NCOA1: variants seen among roughly 807,000 people sequenced by gnomAD.
The protein encoded by NCOA1 is nuclear receptor coactivator 1, also known as Hin-2 protein.
Under a neutral mutation model 150.9 loss-of-function variants are expected in NCOA1, and 35 were observed. The ratio of observed to expected loss-of-function variants is 0.23; its 90% CI spans 0.18 to 0.31. The LOEUF (loss-of-function observed/expected upper bound fraction) is 0.31, where lower values mean the gene tolerates loss of function less well. NCOA1 is among the 10% of genes least tolerant of loss of function. The probability of loss-of-function intolerance (pLI) is 1.00; values close to 1 mark genes in which losing one functional copy is unlikely to be tolerated. For missense variants in NCOA1, 1,491 were observed against 1,749.3 expected, an observed-to-expected ratio of 0.85 and a Z score of 2.63; for synonymous variants, 590 against 630.0, an observed-to-expected ratio of 0.94 and a Z score of 0.95.
At chr2:24,573,629 A>G (rs948786088) in intron 2 of NCOA1, among the ~76,000 whole-genome samples, 3 of 152,118 alleles carry the variant, frequency 2.0e-5, no homozygotes, top group African/African-American at 7.2e-5. Context: ...CCAGTTTTCC[A>G]GTCAATGCAA....
rs560920418 is a variant in NCOA1, at chr2:24,641,674, A to G, written c.-174-2292A>G. 5.9e-5 allele frequency among the ~76,000 whole-genome samples: 9 copies of G among 152,300 alleles called. No homozygotes were observed. The South Asian group carries it at 1.9e-3, about 32-fold the overall frequency. ...CCCCCTTCAGCATTTTAATGGAAGA[A>G]ATTATTCCATTATCTTCTTGCCTCT... On this transcript the variant is annotated intron_variant, in intron 3 of 22. Coordinates refer to ENST00000348332, the MANE Select transcript of NCOA1 (RefSeq NM_003743.5).
chr2:24,703,422 A>C (rs1673261560), intron 11 of NCOA1, among the ~76,000 whole-genome samples: 1 of 152,212 alleles, frequency 6.6e-6, no homozygotes, highest in Non-Finnish European at 1.5e-5. Context: ...TTAAATGCCA[A>C]ATCTTAGTCC....
chr2:24,575,016 G>T (rs1476621901), intron 2 of NCOA1, among the ~76,000 whole-genome samples: 3 of 151,906 alleles, frequency 2.0e-5, no homozygotes, highest in Admixed American at 2.0e-4. Flanking sequence ...TTATGAATCT[G>T]TAAGTTTCTG....
At chr2:24,586,198 C>G (rs1667398489) in intron 3 of NCOA1, among the ~76,000 whole-genome samples, 1 of 147,174 alleles carries the variant, frequency 6.8e-6, no homozygotes, top group Non-Finnish European at 1.5e-5. Context: ...ATGGTGTGAA[C>G]CCAGGAGGCG....
At chr2:24,655,445 C>T (rs1670895855) in intron 4 of NCOA1, among the ~76,000 whole-genome samples, 1 of 152,012 alleles carries the variant, frequency 6.6e-6, no homozygotes, top group South Asian at 2.1e-4. Flanking sequence ...TCTATGAACA[C>T]TTGATTGGAC....
At chr2:24,678,134 A>C (rs1295811008) in intron 7 of NCOA1, among the ~76,000 whole-genome samples, 1 of 152,204 alleles carries the variant, frequency 6.6e-6, no homozygotes, top group African/African-American at 2.4e-5. Flanking sequence ...GAGAACATGC[A>C]GCATTTGGTT....
At chr2:24,519,395 T>A (rs1572375710) in intron 1 of NCOA1, among the ~76,000 whole-genome samples, 2 of 152,004 alleles carry the variant, frequency 1.3e-5, no homozygotes, top group South Asian at 4.1e-4. Context: ...GGGGACAGGG[T>A]TTCTTTTGGG....
rs182708445 is a variant in NCOA1, at chr2:24,666,880, A to G, written c.256+965A>G. Among the ~76,000 whole-genome samples the G allele has an allele frequency of 1.8e-3, 274 of 152,156 alleles. 2 individuals carry two copies. Among genetic ancestry groups the G allele is most frequent in the Admixed American group, 0.016 (252 of 15,276 alleles). Reference sequence around the variant, plus strand: ...TTTAAGCTTCATATTTTTACTACCTATATTTACTGGAACCCCATACCATCA... The same window carrying G: ...TTTAAGCTTCATATTTTTACTACCTGTATTTACTGGAACCCCATACCATCA... On this transcript the variant is annotated intron_variant, in intron 6 of 22. Coordinates refer to ENST00000348332, the MANE Select transcript of NCOA1 (RefSeq NM_003743.5).
At chr2:24,621,432 A>ATTTTTT (rs1162282258) in intron 3 of NCOA1, among the ~76,000 whole-genome samples, 427 of 38,898 alleles carry the variant, frequency 0.011, 94 homozygotes, top group Non-Finnish European at 0.012. Context: ...ATTCAGGCAG[A>ATTTTTT]TTTTTTTTTT....
chr2:24,733,770 A>C (rs556009605), intron 17 of NCOA1, among the ~76,000 whole-genome samples: 1 of 152,124 alleles, frequency 6.6e-6, no homozygotes, highest in Non-Finnish European at 1.5e-5. Context: ...AAAACAAAAA[A>C]CAGAAAATCC....
At chr2:24,585,949 A>T (rs1370950455) in intron 3 of NCOA1, among the ~76,000 whole-genome samples, 1 of 152,216 alleles carries the variant, frequency 6.6e-6, no homozygotes, top group African/African-American at 2.4e-5. Flanking sequence ...TAAACATATG[A>T]AGGATTTTTA....
In NCOA1 at chr2:24,600,724, A is replaced by G. The variant is rs191122377; in HGVS notation, c.-175+16164A>G. 2.4e-3 allele frequency among the ~76,000 whole-genome samples: 371 copies of G among 152,252 alleles called. 1 individual carries two copies. The highest frequency in any genetic ancestry group is 4.1e-3 in the Non-Finnish European group (276 of 68,010). Reference sequence around the variant, plus strand: ...GATAGGAATTTCTTTCGGTGATAGTATTTATTCCTGTGCTTGTTTCTCAAG... The same window carrying G: ...GATAGGAATTTCTTTCGGTGATAGTGTTTATTCCTGTGCTTGTTTCTCAAG... On this transcript the variant is annotated intron_variant, in intron 3 of 22. Coordinates refer to ENST00000348332, the MANE Select transcript of NCOA1 (RefSeq NM_003743.5).
At chr2:24,674,119 A>ATG (rs374109233) in intron 7 of NCOA1, among the ~76,000 whole-genome samples, 20 of 68,680 alleles carry the variant, frequency 2.9e-4, no homozygotes, top group Admixed American at 9.8e-4. Context: ...AGACATATGT[A>ATG]TGTATGTGTG....
rs115113635 is a variant in NCOA1 at position 24,513,531 on chromosome 2, C to T, written c.-396+21929C>T. Among the ~76,000 whole-genome samples the T allele has an allele frequency of 6.1e-3, 925 of 152,068 alleles. 5 individuals carry two copies. Among genetic ancestry groups the T allele is most frequent in the African/African-American group, 0.02 (826 of 41,470 alleles). On this transcript the variant is annotated intron_variant, in intron 1 of 22. Transcript: ENST00000348332. ...TTAGACAATGCTGTAGTCAACATTC[C>T]TGAACATACTGGTTGTGAACATATG...
At chr2:24,500,346 G>A (rs1425337727) in intron 1 of NCOA1, among the ~76,000 whole-genome samples, 5 of 152,202 alleles carry the variant, frequency 3.3e-5, no homozygotes, top group African/African-American at 1.2e-4. Context: ...AACCTCGGGT[G>A]ATCCGCCCGC....
At chr2:24,655,390 T>A (rs1239312451) in intron 4 of NCOA1, among the ~76,000 whole-genome samples, 2 of 152,216 alleles carry the variant, frequency 1.3e-5, no homozygotes, top group Admixed American at 1.3e-4. Flanking sequence ...TATTTATATG[T>A]AGATCATATA....
intron 3 of NCOA1, among the ~76,000 whole-genome samples, chr2:24,628,501 G>C (rs767769078): frequency 1.3e-5 from 2 of 152,014 alleles, no homozygotes; most frequent in Non-Finnish European, 2.9e-5. Context: ...TTAATGTTGT[G>C]TATCTACTCT....
At chr2:24,511,286 C>G (rs1042678527) in intron 1 of NCOA1, among the ~76,000 whole-genome samples, 5 of 152,138 alleles carry the variant, frequency 3.3e-5, no homozygotes, top group African/African-American at 9.7e-5. Flanking sequence ...CATATGTTTT[C>G]ATTTGTCTTG....
chr2:24,706,915 C>G lies in NCOA1; in HGVS notation c.1445C>G (p.Ser482Cys), dbSNP rs555210413. ...NNSPMEGTGI[S>C]LAQFMSPRRQ... ...TCTCCTATGGAAGGTACAGGAATATCCCTAGCACAGTTCATGTCTCCAAGG... is the reference window on the plus strand; with the variant it reads ...TCTCCTATGGAAGGTACAGGAATATGCCTAGCACAGTTCATGTCTCCAAGG... Residue 482 changes from serine to cysteine, a missense_variant, in exon 13 of 23, where the codon TCC (serine) becomes TGC (cysteine). Physicochemically the swap from Ser to Cys is moderately radical, Grantham distance 112. Transcript: ENST00000348332. 88 of 1,614,056 alleles carry G rather than the reference C, an allele frequency of 5.5e-5. No individual in the cohort carries two copies. The highest frequency in any genetic ancestry group is 2.3e-4 in the Admixed American group (14 of 60,002).
Sources: gnomAD v4.1 joint callset for allele counts (sites outside exome capture counted in the v4.1 genomes callset) on GRCh38, gnomAD v4.1.1 for gene constraint, MANE v1.5 for transcripts, NCBI Gene and HGNC (gene_info 2026-07-23, HGNC 2026-07-21) for gene names.